OC90: variants seen among roughly 807,000 people sequenced by gnomAD.
OC90 encodes otoconin 90, also known as otoconin-90.
Under a neutral mutation model 47.3 loss-of-function variants are expected in OC90, and 46 were observed. The observed-to-expected ratio is 0.97, with a 90% confidence interval of 0.77 to 1.24. OC90 has a LOEUF of 1.24. Among genes scored for constraint, OC90 ranks in the 50% most tolerant of loss-of-function variants. The pLI is 0.00. For synonymous variants in OC90, 271 were observed against 219.5 expected (o/e 1.23, Z -2.07); for missense variants, 688 against 583.9 (o/e 1.18, Z -1.84).
At position 132,032,069 on chromosome 8, in the gene OC90, T is replaced by C; in HGVS notation, c.860-17A>G. The C allele has an allele frequency of 6.2e-7, 1 of 1,611,552 alleles. No individual in the cohort carries two copies. The highest frequency in any genetic ancestry group is 8.5e-7 in the Non-Finnish European group (1 of 1,178,412). On this transcript the variant is annotated splice_polypyrimidine_tract_variant and intron_variant, in intron 11 of 13. Coordinates refer to ENST00000254627, the MANE Select transcript of OC90 (RefSeq NM_001080399.3). The stretch of plus-strand genomic sequence containing the variant: ...TGTCACAGGCTGAAAGGAACAGGAA[T>C]TGTCAGGAGAGCAAGGACTGTCGGG...
chr8:132,031,017 T>C (rs1251103753), intron 12 of OC90, among the ~76,000 whole-genome samples: 1 of 152,222 alleles, frequency 6.6e-6, no homozygotes, highest in African/African-American at 2.4e-5. Flanking sequence ...ATGTGCCTTT[T>C]GAATGCAGGT....
intron 9 of OC90, 73 bp downstream of exon 9, chr8:132,037,365 G>A: frequency 8.0e-7 from 1 of 1,248,226 alleles, no homozygotes; most frequent in East Asian, 2.5e-5. Flanking sequence ...AGATCTGGTT[G>A]TTTAAACGTG....
intron 13 of OC90, 99 bp downstream of exon 13, chr8:132,028,974 C>A: frequency 1.3e-6 from 1 of 798,746 alleles, no homozygotes; most frequent in South Asian, 1.4e-5. Context: ...AGTATTAAGT[C>A]ACAGTTAAGT....
chr8:132,055,022 A>T lies in OC90; in HGVS notation c.5T>A (p.Ile2Asn), dbSNP rs909834793. The T allele has an allele frequency of 3.2e-6, 5 of 1,551,320 alleles. No homozygotes were observed. The highest frequency in any genetic ancestry group is 4.4e-6 in the Non-Finnish European group (5 of 1,146,842). M[I>N]AFLLTSVLMI... ...CAGCACACTGGTGAGGAGAAACGCA[A>T]TCATAGCAGGAGAACAAAGGATGGG... The change falls in exon 2 of 14, where the codon ATT becomes AAT. Residue 2 changes from isoleucine (I) to asparagine (N), a missense_variant. Physicochemically the swap from Ile to Asn is moderately radical, Grantham distance 149. Coordinates refer to ENST00000254627, the MANE Select transcript of OC90 (RefSeq NM_001080399.3).
rs1225842781 is a variant in OC90, at chr8:132,028,550, GAAAGAAAGAAAGA to G, written c.1138+510_1138+522del. Among the ~76,000 whole-genome samples, 101 of 17,778 alleles carry G rather than the reference GAAAGAAAGAAAGA, an allele frequency of 5.7e-3. 2 individuals carry two copies. The highest frequency in any genetic ancestry group is 0.027 in the South Asian group (8 of 294). The allele number at this position is 17,778 out of a possible 152,430, so 11.7% of individuals were successfully genotyped here. A position where few individuals can be genotyped will look rare whatever the true frequency, so the allele number is the denominator to read the frequency against. On this transcript the variant is annotated intron_variant, in intron 13 of 13. Coordinates refer to ENST00000254627, the MANE Select transcript of OC90 (RefSeq NM_001080399.3). ...GAAAAGAAAGAAAGAAAGAAAGAAA[GAAAGAAAGAAAGA>G]AAGGAAGGAAGGAAGGAAGGAAGGA...
intron 4 of OC90, among the ~76,000 whole-genome samples, chr8:132,042,090 C>A (rs1020651836): frequency 8.7e-6 from 1 of 114,960 alleles, no homozygotes; most frequent in African/African-American, 3.0e-5. Flanking sequence ...AGAAATATTT[C>A]TTTTCTTTTC....
intron 12 of OC90, among the ~76,000 whole-genome samples, chr8:132,030,603 T>A (rs1228798020): frequency 6.6e-6 from 1 of 152,230 alleles, no homozygotes; most frequent in African/African-American, 2.4e-5. Context: ...TAAATTGTCC[T>A]CTGTCATGGA....
intron 2 of OC90, among the ~76,000 whole-genome samples, chr8:132,053,363 A>G (rs1823242202): frequency 6.6e-6 from 1 of 152,236 alleles, no homozygotes; most frequent in South Asian, 2.1e-4. Flanking sequence ...TTATACATAT[A>G]TAACAGAAAC....
intron 12 of OC90, among the ~76,000 whole-genome samples, chr8:132,030,314 T>A (rs2130851736): frequency 6.6e-6 from 1 of 152,354 alleles, no homozygotes; most frequent in Non-Finnish European, 1.5e-5. Context: ...AAAAATTATA[T>A]CAGTTTGACT....
intron 12 of OC90, among the ~76,000 whole-genome samples, chr8:132,029,972 T>C (rs1330850106): frequency 2.6e-5 from 4 of 152,236 alleles, no homozygotes; most frequent in Non-Finnish European, 4.4e-5. Flanking sequence ...TCGTAGGCTC[T>C]TGTGGCTTTT....
chr8:132,058,006 C>A (rs183211643), intron 1 of OC90, among the ~76,000 whole-genome samples: 102 of 152,336 alleles, frequency 6.7e-4, no homozygotes, highest in Non-Finnish European at 1.2e-3. Context: ...TGACTCACTG[C>A]GTAACTGTCA....
At position 132,056,981 on chromosome 8, in the gene OC90, C is replaced by A. The variant is rs973832959; in HGVS notation, c.-47-1908G>T. 3.9e-4 allele frequency among the ~76,000 whole-genome samples: 60 copies of A among 152,132 alleles called. 1 individual carries two copies. Among genetic ancestry groups the A allele is most frequent in the African/African-American group, 1.4e-3 (60 of 41,408 alleles). ...GAGATCATTGAGGTTTAGAGCCTGG[C>A]AAATCATGGCAAGAATGTCCAGCTT... On this transcript the variant is annotated intron_variant, in intron 1 of 13. Transcript: ENST00000254627.
At chr8:132,026,906 C>T (rs755897857) in intron 13 of OC90, among the ~76,000 whole-genome samples, 2 of 152,196 alleles carry the variant, frequency 1.3e-5, no homozygotes, top group Non-Finnish European at 2.9e-5. Flanking sequence ...CCTTGCACTA[C>T]AACTGGGCCT....
intron 4 of OC90, among the ~76,000 whole-genome samples, chr8:132,042,985 T>C (rs1323653500): frequency 6.6e-6 from 1 of 152,210 alleles, no homozygotes; most frequent in Non-Finnish European, 1.5e-5. Context: ...TGCAGCACCA[T>C]TCACAATAGC....
intron 1 of OC90, among the ~76,000 whole-genome samples, 172 bp downstream of exon 1, chr8:132,059,169 A>C (rs1252764618): frequency 2.9e-4 from 32 of 111,430 alleles, no homozygotes; most frequent in South Asian, 6.0e-4. Flanking sequence ...TCTCCCAACC[A>C]TTTCCCTCCC....
intron 13 of OC90, among the ~76,000 whole-genome samples, chr8:132,027,285 G>C (rs1240791554): frequency 6.6e-6 from 1 of 152,298 alleles, no homozygotes; most frequent in East Asian, 1.9e-4. Context: ...CTGGTTCCTG[G>C]TGAAGGTTTG....
At chr8:132,037,554 C>G (rs1490292949) in intron 8 of OC90, 66 bp from the exon 9 acceptor site, 5 of 1,431,256 alleles carry the variant, frequency 3.5e-6, no homozygotes, top group Admixed American at 2.0e-5. Context: ...AGCACAGGGT[C>G]TCAAAGGAAA....
chr8:132,049,615 G>A (rs1468193021), intron 2 of OC90, among the ~76,000 whole-genome samples: 1 of 152,124 alleles, frequency 6.6e-6, no homozygotes, highest in Non-Finnish European at 1.5e-5. Context: ...GCAGCTTTTT[G>A]TTCTCTCAGA....
intron 10 of OC90, among the ~76,000 whole-genome samples, chr8:132,034,403 A>G (rs757455120): frequency 6.6e-6 from 1 of 152,244 alleles, no homozygotes; most frequent in African/African-American, 2.4e-5. Flanking sequence ...ATAGCCATAC[A>G]TCTAATCCAG....
Sources: allele counts gnomAD v4.1 joint callset (sites outside exome capture counted in the v4.1 genomes callset), GRCh38; gene constraint gnomAD v4.1.1; transcripts MANE v1.5; gene names NCBI Gene and HGNC (gene_info 2026-07-23, HGNC 2026-07-21).